The following GLIS2 variants were observed in gnomAD, a reference collection of about 807,000 sequenced individuals.
GLIS2 encodes the protein zinc finger protein GLIS2.
Under a neutral mutation model 35.6 loss-of-function variants are expected in GLIS2, and 14 were observed. That is an observed-to-expected ratio of 0.39 (90% CI 0.26 to 0.61). The LOEUF is 0.61. GLIS2 is among the 20% of genes least tolerant of loss of function. The pLI is 0.48. For synonymous variants in GLIS2, 368 were observed against 325.1 expected (o/e 1.13, Z -1.42); for missense variants, 675 against 713.4 (o/e 0.95, Z 0.61).
intron 1 of GLIS2, among the ~76,000 whole-genome samples, chr16:4,322,258 T>C (rs1191260532): frequency 2.6e-5 from 4 of 151,594 alleles, no homozygotes; most frequent in Non-Finnish European, 5.9e-5. Context: ...GGCTCCCCAG[T>C]GCCCTCTAGG....
At chr16:4,324,319 C>A (rs909576454) in intron 1 of GLIS2, among the ~76,000 whole-genome samples, 6 of 152,198 alleles carry the variant, frequency 3.9e-5, no homozygotes, top group African/African-American at 1.2e-4. Flanking sequence ...AGCTCCTCCC[C>A]CTCCAGTCCT....
rs771972183 is a variant in GLIS2 at position 4,334,980 on chromosome 16, G to A, written c.522+3G>A. 1.2e-6 allele frequency: 2 copies of A among 1,613,272 alleles called. No homozygotes were observed. Among genetic ancestry groups the A allele is most frequent in the South Asian group, 2.2e-5 (2 of 91,084 alleles). ...AGCTGGTGTGTCGCTGGGCCAAGGT[G>A]AGTGGGGGCCAGCAAGAGTAGTGTG... On this transcript the variant is annotated splice_donor_region_variant and intron_variant, in intron 4 of 6. Coordinates refer to ENST00000433375, the MANE Select transcript of GLIS2 (RefSeq NM_032575.3).
At chr16:4,318,744 C>G (rs1190576095) in intron 1 of GLIS2, among the ~76,000 whole-genome samples, 1 of 152,242 alleles carries the variant, frequency 6.6e-6, no homozygotes, top group African/African-American at 2.4e-5. Context: ...TGGGAGTGTC[C>G]TCTCACCACC....
intron 1 of GLIS2, among the ~76,000 whole-genome samples, chr16:4,323,958 G>T (rs2053404192): frequency 6.6e-6 from 1 of 152,214 alleles, no homozygotes. Flanking sequence ...CACAGCCAGG[G>T]GTGGCACAGG....
chr16:4,325,692 CAG>C (rs2053422613), intron 1 of GLIS2, among the ~76,000 whole-genome samples: 1 of 152,070 alleles, frequency 6.6e-6, no homozygotes, highest in East Asian at 1.9e-4. Flanking sequence ...CTTTGGGAGG[CAG>C]AGACAGGAGG....
In GLIS2 at chr16:4,320,854, C is replaced by T. The variant is rs1475354517; in HGVS notation, c.-67+4600C>T. Among the ~76,000 whole-genome samples, 4 of 152,158 alleles carry T rather than the reference C, an allele frequency of 2.6e-5. No individual in the cohort carries two copies. Among genetic ancestry groups the T allele is most frequent in the Non-Finnish European group, 5.9e-5 (4 of 68,018 alleles). ...CCCTGTGCTGGTGCTCGTCTCCCTG[C>T]CAGCCCCGGCCTCCCCCAGCACCCC... On this transcript the variant is annotated intron_variant, in intron 1 of 6. Transcript: ENST00000433375. The surrounding 1 kb of genome is among the most constrained non-coding windows in gnomAD (Gnocchi z 5.6).
intron 1 of GLIS2, among the ~76,000 whole-genome samples, chr16:4,317,768 C>T (rs2053330437): frequency 6.6e-6 from 1 of 152,152 alleles, no homozygotes; most frequent in Non-Finnish European, 1.5e-5. Context: ...TGTCTGCAGC[C>T]AGCCAAGCAG....
intron 3 of GLIS2, 25 bp downstream of exon 3, chr16:4,333,544 G>C: frequency 6.3e-7 from 1 of 1,596,250 alleles, no homozygotes; most frequent in Non-Finnish European, 8.5e-7. Context: ...GAGTTCCGGA[G>C]AGAGGGGTGG....
intron 1 of GLIS2, among the ~76,000 whole-genome samples, chr16:4,318,207 G>T (rs1206677420): frequency 6.6e-6 from 1 of 152,140 alleles, no homozygotes; most frequent in Non-Finnish European, 1.5e-5. Context: ...CCCCTGGCCT[G>T]GGAGTCTCCT....
chr16:4,315,680 C>A (rs1426655168), upstream of GLIS2, among the ~76,000 whole-genome samples: 2 of 145,280 alleles, frequency 1.4e-5, no homozygotes, highest in East Asian at 4.1e-4. Context: ...GGGGGGGTGG[C>A]GTGAGGATGG....
chr16:4,315,997 T>G (rs1375879199), upstream of GLIS2, among the ~76,000 whole-genome samples: 1 of 97,622 alleles, frequency 1.0e-5, no homozygotes, highest in Non-Finnish European at 2.2e-5. Flanking sequence ...TCCCGCCGCC[T>G]CCCTCCTCCC....
In GLIS2 at chr16:4,332,509, G is replaced by C; in HGVS notation, c.172+57G>C. The C allele has an allele frequency of 2.5e-6, 4 of 1,582,304 alleles. No individual in the cohort carries two copies. Among genetic ancestry groups the C allele is most frequent in the Non-Finnish European group, 3.4e-6 (4 of 1,165,860 alleles). On this transcript the variant is annotated intron_variant, in intron 2 of 6. Transcript: ENST00000433375. The surrounding 1 kb of genome is among the most constrained non-coding windows in gnomAD (Gnocchi z 5.4). ...GCCCTGATCCAGTCATGGTGACAGG[G>C]AGAATGGCCAAGTGTGTCCACCAGC...
At chr16:4,333,792 G>T (rs368688781) in intron 3 of GLIS2, among the ~76,000 whole-genome samples, 1 of 152,032 alleles carries the variant, frequency 6.6e-6, no homozygotes, top group Non-Finnish European at 1.5e-5. Flanking sequence ...CTCTGTGTCC[G>T]AATCTCTCTC....
At chr16:4,318,768 G>C (rs1222585140) in intron 1 of GLIS2, among the ~76,000 whole-genome samples, 1 of 152,242 alleles carries the variant, frequency 6.6e-6, no homozygotes, top group Non-Finnish European at 1.5e-5. Flanking sequence ...TCCTCTCAGG[G>C]TCTGGGCAGC....
chr16:4,335,433 G>T lies in GLIS2; in HGVS notation c.775+40G>T. On this transcript the variant is annotated intron_variant, in intron 6 of 6. Transcript: ENST00000433375. The surrounding 1 kb of genome is among the most constrained non-coding windows in gnomAD (Gnocchi z 4.6). ...CCGGGCGGCTTGGCCCATGAAGGGG[G>T]CGCTCAGCTGAGACCGGCTGGGCAG... 1 of 1,583,658 alleles carries T rather than the reference G, an allele frequency of 6.3e-7. No homozygotes were observed. Among genetic ancestry groups the T allele is most frequent in the Non-Finnish European group, 8.7e-7 (1 of 1,153,774 alleles).
At chr16:4,330,924 G>T (rs1009297327) in intron 1 of GLIS2, among the ~76,000 whole-genome samples, 3 of 152,234 alleles carry the variant, frequency 2.0e-5, no homozygotes, top group African/African-American at 7.2e-5. Context: ...TGAGGGCAAG[G>T]AACACCTGGC....
chr16:4,336,039 C>T (rs963839021), intron 6 of GLIS2: 3 of 177,510 alleles, frequency 1.7e-5, no homozygotes, highest in African/African-American at 7.1e-5. Flanking sequence ...CAGAAGATGC[C>T]TGGTGAACCT....
chr16:4,336,079 G>A lies in GLIS2; in HGVS notation c.776-646G>A, dbSNP rs111532916. On this transcript the variant is annotated intron_variant, in intron 6 of 6. Coordinates refer to ENST00000433375, the MANE Select transcript of GLIS2 (RefSeq NM_032575.3). ...CCATTTGTTGAGTGAGGGCAGTAGC[G>A]CCCAGGCAGCACTCCCTGTGGCCAG... 1.4e-3 allele frequency: 249 copies of A among 184,170 alleles called. 1 individual carries two copies. The highest frequency in any genetic ancestry group is 5.3e-3 in the African/African-American group (225 of 42,416). The allele number at this position is 184,170 out of a possible 1,614,324, so 11.4% of individuals were successfully genotyped here.
chr16:4,316,049 G>T (rs867344641), upstream of GLIS2, among the ~76,000 whole-genome samples: 187 of 64,572 alleles, frequency 2.9e-3, 1 homozygote, highest in South Asian at 0.026. Context: ...ATCCCCGCAC[G>T]GCCCGGCCGC....
Sources: gnomAD v4.1 joint callset for allele counts (sites outside exome capture counted in the v4.1 genomes callset) on GRCh38, gnomAD v4.1.1 for gene constraint, Gnocchi (gnomAD v3.1) non-coding constraint, MANE v1.5 for transcripts, NCBI Gene and HGNC (gene_info 2026-07-23, HGNC 2026-07-21) for gene names.